Variants in CCBE1 observed in about 807,000 individuals in gnomAD.
The protein encoded by CCBE1 is collagen and calcium binding EGF domains 1.
In CCBE1, 37 loss-of-function variants were observed where a neutral mutation model predicts 50.0. The ratio of observed to expected loss-of-function variants is 0.74; its 90% confidence interval spans 0.57 to 0.97. The LOEUF (loss-of-function observed/expected upper bound fraction) is 0.97. CCBE1 is among the 50% of genes least tolerant of loss of function. The probability of loss-of-function intolerance (pLI) is 0.00; values close to 1 mark genes in which losing one functional copy is unlikely to be tolerated. For missense variants in CCBE1, 538 were observed against 523.8 expected (o/e 1.03, Z -0.26); for synonymous variants, 234 against 203.7 (o/e 1.15, Z -1.27).
At chr18:59,631,556 G>C (rs892432484) in intron 2 of CCBE1, among the ~76,000 whole-genome samples, 3 of 152,214 alleles carry the variant, frequency 2.0e-5, no homozygotes, top group African/African-American at 7.2e-5. Flanking sequence ...TTGAAATAAG[G>C]ATCTCTGAGC....
In CCBE1 at chr18:59,605,376, G is replaced by A. The variant is rs79646571; in HGVS notation, c.212+91253C>T. On this transcript the variant is annotated intron_variant, in intron 2 of 10. Coordinates refer to ENST00000439986, the MANE Select transcript of CCBE1 (RefSeq NM_133459.4). ...TATCCTTATAGAGAACAGGTGGGTC[G>A]ATGGTTGGAATAAGGCATGAACTAG... Among the ~76,000 whole-genome samples, 617 of 152,332 alleles carry A rather than the reference G, an allele frequency of 4.1e-3. 11 individuals are homozygous for A. Among genetic ancestry groups the A allele is most frequent in the East Asian group, 0.037 (194 of 5,190 alleles).
intron 2 of CCBE1, among the ~76,000 whole-genome samples, chr18:59,593,824 A>G (rs137979470): frequency 6.0e-4 from 91 of 152,362 alleles, no homozygotes; most frequent in Non-Finnish European, 1.2e-3. Context: ...TGAGTTGACA[A>G]CCCATTGGTC....
At chr18:59,522,993 C>CAAAAAAAAAAAAAAAAAAAAAAA (rs57217059) in intron 2 of CCBE1, among the ~76,000 whole-genome samples, 22 of 89,216 alleles carry the variant, frequency 2.5e-4, no homozygotes, top group East Asian at 1.2e-3. Flanking sequence ...GACTCTGTTT[C>CAAAAAAAAAAAAAAAAAAAAAAA]AAAAAAAAAA....
intron 2 of CCBE1, among the ~76,000 whole-genome samples, chr18:59,597,912 G>A (rs1025689719): frequency 6.6e-6 from 1 of 152,198 alleles, no homozygotes; most frequent in Non-Finnish European, 1.5e-5. Flanking sequence ...TTGAAGAAAA[G>A]GGTAAATAGT....
intron 2 of CCBE1, among the ~76,000 whole-genome samples, chr18:59,548,039 G>A (rs539474318): frequency 7.2e-5 from 11 of 152,334 alleles, no homozygotes; most frequent in Non-Finnish European, 1.2e-4. Context: ...TTAAAGAACC[G>A]AAAATGTGGT....
At chr18:59,536,285 T>C (rs897629851) in intron 2 of CCBE1, among the ~76,000 whole-genome samples, 3 of 152,144 alleles carry the variant, frequency 2.0e-5, no homozygotes, top group East Asian at 3.9e-4. Context: ...AGCATCCGCA[T>C]AGAGCCTGGA....
chr18:59,620,833 A>G (rs1171884290), intron 2 of CCBE1, among the ~76,000 whole-genome samples: 1 of 152,222 alleles, frequency 6.6e-6, no homozygotes. Flanking sequence ...GCCCAGTCTC[A>G]GGTATGTCTT....
At chr18:59,678,670 TTA>T (rs200539962) in intron 2 of CCBE1, among the ~76,000 whole-genome samples, 6,455 of 152,206 alleles carry the variant, frequency 0.042, 321 homozygotes, top group African/African-American at 0.11. Flanking sequence ...GTAACAGGGA[TTA>T]CAGGTGCCCA....
chr18:59,672,174 A>G (rs2054440843), intron 2 of CCBE1, among the ~76,000 whole-genome samples: 1 of 152,152 alleles, frequency 6.6e-6, no homozygotes, highest in Non-Finnish European at 1.5e-5. Context: ...GTATCATGAG[A>G]CCAGAAGCCA....
chr18:59,667,780 TG>T (rs1840221367), intron 2 of CCBE1, among the ~76,000 whole-genome samples: 1 of 152,148 alleles, frequency 6.6e-6, no homozygotes, highest in East Asian at 1.9e-4. Flanking sequence ...CAGGAAAGAA[TG>T]GGGAGTGGGT....
At chr18:59,578,241 C>T (rs1431902734) in intron 2 of CCBE1, among the ~76,000 whole-genome samples, 1 of 152,146 alleles carries the variant, frequency 6.6e-6, no homozygotes, top group Non-Finnish European at 1.5e-5. Context: ...AAATCAAAAC[C>T]ACAGTGAGAT....
chr18:59,500,073 A>T (rs1364340103), intron 2 of CCBE1, among the ~76,000 whole-genome samples: 2 of 152,206 alleles, frequency 1.3e-5, no homozygotes, highest in African/African-American at 4.8e-5. Flanking sequence ...GGGCTGCCTG[A>T]GTCAAAAGAT....
chr18:59,599,057 C>T (rs2053394617), intron 2 of CCBE1, among the ~76,000 whole-genome samples: 6 of 152,182 alleles, frequency 3.9e-5, no homozygotes, highest in Admixed American at 1.3e-4. Context: ...TTTTCCTCCT[C>T]CCTTCTTCGT....
At chr18:59,493,771 A>C (rs1273510518) in intron 2 of CCBE1, among the ~76,000 whole-genome samples, 1 of 152,188 alleles carries the variant, frequency 6.6e-6, no homozygotes, top group Non-Finnish European at 1.5e-5. Flanking sequence ...CCCCATCCAA[A>C]TCTCATCTCA....
chr18:59,531,230 G>C (rs1213132345), intron 2 of CCBE1, among the ~76,000 whole-genome samples: 1 of 150,912 alleles, frequency 6.6e-6, no homozygotes, highest in African/African-American at 2.4e-5. Context: ...CCAACATTGA[G>C]AAGAAATGAC....
At chr18:59,574,268 G>A (rs73961256) in intron 2 of CCBE1, among the ~76,000 whole-genome samples, 2 of 152,182 alleles carry the variant, frequency 1.3e-5, no homozygotes, top group Non-Finnish European at 2.9e-5. Flanking sequence ...AGAATTTATA[G>A]TACGGTTAGT....
chr18:59,685,370 T>A (rs925172202), intron 2 of CCBE1, among the ~76,000 whole-genome samples: 3 of 152,070 alleles, frequency 2.0e-5, no homozygotes, highest in Non-Finnish European at 4.4e-5. Context: ...GTCTAACAAA[T>A]GAAGGATTGG....
chr18:59,493,289 C>G (rs897415973), intron 2 of CCBE1, among the ~76,000 whole-genome samples: 1 of 152,146 alleles, frequency 6.6e-6, no homozygotes, highest in Non-Finnish European at 1.5e-5. Context: ...ATACAATGGA[C>G]ATTAATTCAG....
intron 9 of CCBE1, among the ~76,000 whole-genome samples, 191 bp downstream of exon 9, chr18:59,439,352 C>A (rs1351701061): frequency 6.6e-6 from 1 of 151,820 alleles, no homozygotes. Context: ...GTGGTCCCAG[C>A]TGCTTGGGAG....
Sources: gnomAD v4.1 joint callset for allele counts (sites outside exome capture counted in the v4.1 genomes callset) on GRCh38, gnomAD v4.1.1 for gene constraint, MANE v1.5 for transcripts, NCBI Gene and HGNC (gene_info 2026-07-23, HGNC 2026-07-21) for gene names.